The following UPF1 variants were observed in gnomAD, a reference collection of about 807,000 sequenced individuals.
UPF1 encodes regulator of nonsense transcripts 1.
UPF1 carries 9 observed loss-of-function variants against 129.2 expected under a neutral mutation model. That is an observed-to-expected ratio of 0.07 (90% CI 0.04 to 0.12). The LOEUF (loss-of-function observed/expected upper bound fraction) is 0.12, where lower values mean the gene tolerates loss of function less well. Among genes scored for constraint, UPF1 ranks in the 10% least tolerant of loss-of-function variants. The pLI is 1.00. For missense variants in UPF1, 788 were observed against 1,525.3 expected (o/e 0.52, Z 8.05); for synonymous variants, 649 against 644.9 (o/e 1.01, Z -0.10).
chr19:18,861,135 G>C (rs1482612308), intron 17 of UPF1, among the ~76,000 whole-genome samples, 153 bp downstream of exon 17: 1 of 152,270 alleles, frequency 6.6e-6, no homozygotes. Context: ...GGAGGGCACA[G>C]ACAGCACATC....
chr19:18,861,086 C>T (rs2055774030), intron 17 of UPF1, 104 bp downstream of exon 17: 1 of 1,422,460 alleles, frequency 7.0e-7, no homozygotes, highest in Non-Finnish European at 9.3e-7. Flanking sequence ...GGCTGGAGCT[C>T]AGAATGGCCC....
At chr19:18,845,042 C>T (rs1274107451) in intron 1 of UPF1, among the ~76,000 whole-genome samples, 2 of 152,248 alleles carry the variant, frequency 1.3e-5, no homozygotes, top group Non-Finnish European at 2.9e-5. Context: ...CCCATGAGCA[C>T]CTGTCCCTAG....
In UPF1 at chr19:18,865,544, G is replaced by C; in HGVS notation, c.3020-17G>C. 1 of 1,613,886 alleles carries C rather than the reference G, an allele frequency of 6.2e-7. No individual in the cohort carries two copies. The highest frequency in any genetic ancestry group is 8.5e-7 in the Non-Finnish European group (1 of 1,180,042). ...GCCCTGGCCTCCTTCGGATCACCCT[G>C]GACTGCTGTCTTTCAGGGCGAGGCA... is the stretch of plus-strand genomic sequence containing the variant. On this transcript the variant is annotated splice_polypyrimidine_tract_variant and intron_variant, in intron 21 of 23. Coordinates refer to ENST00000262803, the MANE Select transcript of UPF1 (RefSeq NM_002911.4). The surrounding 1 kb of genome is among the most constrained non-coding windows in gnomAD (Gnocchi z 6.1).
chr19:18,835,303 G>A (rs545544736), intron 1 of UPF1, among the ~76,000 whole-genome samples: 2 of 152,104 alleles, frequency 1.3e-5, no homozygotes, highest in Non-Finnish European at 2.9e-5. Flanking sequence ...AAATGAACCT[G>A]ATCGAGGTTC....
rs536146612 is a variant in UPF1 at position 18,857,215 on chromosome 19, C to T, written c.1969-105C>T. ...GCGTGGTGAGCAATGCCCCTGTGGCCAGGTGGTGTCCTGTGCATCCTGGGG... is the reference window on the plus strand; with the variant it reads ...GCGTGGTGAGCAATGCCCCTGTGGCTAGGTGGTGTCCTGTGCATCCTGGGG... On this transcript the variant is annotated intron_variant, in intron 14 of 23. Transcript: ENST00000262803. The T allele has an allele frequency of 2.7e-5, 39 of 1,468,672 alleles. No individual in the cohort carries two copies. In the East Asian group the frequency reaches 7.5e-4, roughly 28 times the overall value. The allele number at this position is 1,468,672 out of a possible 1,614,324, so 91.0% of individuals were successfully genotyped here. A position where few individuals can be genotyped will look rare whatever the true frequency, so the allele number is the denominator to read the frequency against.
chr19:18,851,720 G>A lies in UPF1; in HGVS notation c.811-415G>A, dbSNP rs1463530344. Among the ~76,000 whole-genome samples, 1 of 152,224 alleles carries A rather than the reference G, an allele frequency of 6.6e-6. No homozygotes were observed. The highest frequency in any genetic ancestry group is 6.5e-5 in the Admixed American group (1 of 15,284). ...GGCTGTGGACACAGCGAGAGAAACC[G>A]GTGGTCTTTGTGGCAGCCTGCGAGG... On this transcript the variant is annotated intron_variant, in intron 5 of 23. Coordinates refer to ENST00000262803, the MANE Select transcript of UPF1 (RefSeq NM_002911.4). The surrounding 1 kb of genome is among the most constrained non-coding windows in gnomAD (Gnocchi z 4.2).
chr19:18,836,028 T>G (rs1489465882), intron 1 of UPF1, among the ~76,000 whole-genome samples: 1 of 152,204 alleles, frequency 6.6e-6, no homozygotes, highest in Non-Finnish European at 1.5e-5. Context: ...CAGAGCTGGT[T>G]CAGATAACAC....
At position 18,854,869 on chromosome 19, in the gene UPF1, C is replaced by G. The variant is rs1161701792; in HGVS notation, c.1266-10C>G. The G allele has an allele frequency of 1.7e-5, 27 of 1,614,048 alleles. No homozygotes were observed. Among genetic ancestry groups the G allele is most frequent in the Non-Finnish European group, 2.3e-5 (27 of 1,179,952 alleles). On this transcript the variant is annotated splice_polypyrimidine_tract_variant and intron_variant, in intron 9 of 23. Coordinates refer to ENST00000262803, the MANE Select transcript of UPF1 (RefSeq NM_002911.4). The stretch of plus-strand genomic sequence containing the variant: ...CTGTGCGTGTCGCCAACCCCAAACC[C>G]TCCTCACAGGATGCAGAGCGCATTG...
intron 1 of UPF1, among the ~76,000 whole-genome samples, chr19:18,843,833 C>T (rs2055569079): frequency 6.6e-6 from 1 of 151,790 alleles, no homozygotes; most frequent in South Asian, 2.1e-4. Flanking sequence ...GCGGCCTTGA[C>T]CTGCTGGGGT....
intron 3 of UPF1, 126 bp downstream of exon 3, chr19:18,847,959 C>T: frequency 4.3e-6 from 4 of 921,252 alleles, no homozygotes; most frequent in South Asian, 1.5e-5. Context: ...TTTTCCTCCT[C>T]TGTGACTGGT....
intron 1 of UPF1, among the ~76,000 whole-genome samples, chr19:18,838,418 G>T (rs1030147904): frequency 9.2e-5 from 14 of 152,212 alleles, no homozygotes; most frequent in African/African-American, 2.9e-4. Context: ...AGAGGCAGAG[G>T]CAGGTGAATC....
At chr19:18,837,678 A>G (rs756765670) in intron 1 of UPF1, among the ~76,000 whole-genome samples, 11 of 152,208 alleles carry the variant, frequency 7.2e-5, no homozygotes, top group Non-Finnish European at 1.6e-4. Flanking sequence ...GTTTTTGTGC[A>G]GGTGCTCTGG....
rs763778738 is a variant in UPF1, at chr19:18,857,039, CCTCCTGTGTGAAAA to C, written c.1968+23_1968+36del. On this transcript the variant is annotated intron_variant, in intron 14 of 23. Coordinates refer to ENST00000262803, the MANE Select transcript of UPF1 (RefSeq NM_002911.4). Reference sequence around the variant, plus strand: ...CAAGCAGGTGGGCTGCCTCCCCTGCCCTCCTGTGTGAAAACTCGTGTGTGTGATTCTTGGTGTTT... The same window carrying C: ...CAAGCAGGTGGGCTGCCTCCCCTGCCCTCGTGTGTGTGATTCTTGGTGTTT... 2 of 1,598,984 alleles carry C rather than the reference CCTCCTGTGTGAAAA, an allele frequency of 1.3e-6. No individual in the cohort carries two copies. The highest frequency in any genetic ancestry group is 2.7e-5 in the African/African-American group (2 of 74,312).
intron 23 of UPF1, 41 bp downstream of exon 23, chr19:18,866,207 AAGG>A: frequency 1.3e-6 from 2 of 1,523,258 alleles, no homozygotes; most frequent in East Asian, 2.4e-5. Flanking sequence ...CCCCAGCCTC[AAGG>A]AGAAGGATGG....
intron 1 of UPF1, among the ~76,000 whole-genome samples, chr19:18,837,865 C>T (rs1411797557): frequency 4.6e-5 from 7 of 152,174 alleles, no homozygotes; most frequent in Non-Finnish European, 1.0e-4. Context: ...CTAGGAAAAA[C>T]ATGCTGTCTT....
chr19:18,855,663 A>G (rs2055709071), intron 11 of UPF1: 9 of 531,672 alleles, frequency 1.7e-5, no homozygotes, highest in South Asian at 1.4e-4. Context: ...CAGCCTGAAC[A>G]GGGTGAGACG....
At position 18,841,522 on chromosome 19, in the gene UPF1, G is replaced by A. The variant is rs959625914; in HGVS notation, c.232-4458G>A. 5.3e-5 allele frequency among the ~76,000 whole-genome samples: 8 copies of A among 152,346 alleles called. No homozygotes were observed. The East Asian group carries it at 1.2e-3, about 22-fold the overall frequency. ...TTCTTTACTGGGATCCTGGAGGTCC[G>A]CTGTTGAGATGATGGCTGTCTCTGG... On this transcript the variant is annotated intron_variant, in intron 1 of 23. Transcript: ENST00000262803.
intron 2 of UPF1, among the ~76,000 whole-genome samples, chr19:18,847,393 C>T (rs1374736899): frequency 6.6e-6 from 1 of 152,182 alleles, no homozygotes; most frequent in African/African-American, 2.4e-5. Flanking sequence ...TCTGCTGGAG[C>T]CCAGAGTTCA....
chr19:18,839,057 C>G (rs964715992), intron 1 of UPF1, among the ~76,000 whole-genome samples: 1 of 152,124 alleles, frequency 6.6e-6, no homozygotes, highest in Admixed American at 6.5e-5. Flanking sequence ...ACATTTCTCT[C>G]ATTGCTTGAT....
Sources: gnomAD v4.1 joint callset for allele counts (sites outside exome capture counted in the v4.1 genomes callset) on GRCh38, gnomAD v4.1.1 for gene constraint, Gnocchi (gnomAD v3.1) non-coding constraint, MANE v1.5 for transcripts, NCBI Gene and HGNC (gene_info 2026-07-23, HGNC 2026-07-21) for gene names.